EDIL3: variants seen among roughly 807,000 people sequenced by gnomAD.
The protein encoded by EDIL3 is EGF like and discoidin domains 3.
EDIL3 carries 37 observed loss-of-function variants against 67.4 expected under a neutral mutation model. That is an observed-to-expected ratio of 0.55 (90% confidence interval 0.42 to 0.72). EDIL3 has a LOEUF of 0.72. Ranked by LOEUF, EDIL3 falls within the 30% of genes least tolerant of loss-of-function variation. The pLI, the probability that EDIL3 is intolerant of heterozygous loss-of-function variation, is 0.00. For missense variants in EDIL3, 527 were observed against 586.3 expected (o/e 0.90, Z 1.04); for synonymous variants, 195 against 196.3 (o/e 0.99, Z 0.05).
chr5:84,240,428 T>C (rs1744773002), intron 2 of EDIL3, among the ~76,000 whole-genome samples: 1 of 152,142 alleles, frequency 6.6e-6, no homozygotes, highest in East Asian at 1.9e-4. Flanking sequence ...AGGCTCTATA[T>C]CCAGGGTCTC....
intron 3 of EDIL3, among the ~76,000 whole-genome samples, chr5:84,187,474 A>T (rs1188611960): frequency 6.6e-6 from 1 of 152,220 alleles, no homozygotes. Context: ...GTCAATTTTT[A>T]AAAAATATGC....
At chr5:84,336,967 C>A (rs1747002515) in intron 1 of EDIL3, among the ~76,000 whole-genome samples, 1 of 151,990 alleles carries the variant, frequency 6.6e-6, no homozygotes, top group Non-Finnish European at 1.5e-5. Context: ...TATTCTAATT[C>A]TTGCCTAGTC....
chr5:84,201,285 T>A (rs1743825779), intron 3 of EDIL3, among the ~76,000 whole-genome samples: 1 of 152,080 alleles, frequency 6.6e-6, no homozygotes, highest in African/African-American at 2.4e-5. Flanking sequence ...GATGCTAGGA[T>A]GAGAATCCTT....
At chr5:84,353,391 A>G (rs2112192055) in intron 1 of EDIL3, among the ~76,000 whole-genome samples, 1 of 152,300 alleles carries the variant, frequency 6.6e-6, no homozygotes, top group Non-Finnish European at 1.5e-5. Flanking sequence ...TTAAACTCAC[A>G]ACATTGTGAC....
chr5:84,045,259 T>C (rs1746201055), intron 9 of EDIL3, among the ~76,000 whole-genome samples: 1 of 152,054 alleles, frequency 6.6e-6, no homozygotes, highest in Non-Finnish European at 1.5e-5. Context: ...CAAGATGAGA[T>C]TTGGGTGAGG....
At chr5:84,076,025 T>A (rs1463113051) in intron 6 of EDIL3, among the ~76,000 whole-genome samples, 1 of 150,272 alleles carries the variant, frequency 6.7e-6, no homozygotes, top group Non-Finnish European at 1.5e-5. Context: ...TTAATTCACC[T>A]AAAAATGACA....
At chr5:84,069,568 C>A (rs1746699084) in intron 6 of EDIL3, among the ~76,000 whole-genome samples, 1 of 151,698 alleles carries the variant, frequency 6.6e-6, no homozygotes, top group African/African-American at 2.4e-5. Context: ...TTTTTTTTTA[C>A]ATGAAAAAGA....
chr5:84,222,997 G>A (rs769136110), intron 3 of EDIL3, among the ~76,000 whole-genome samples: 3 of 151,710 alleles, frequency 2.0e-5, no homozygotes, highest in Non-Finnish European at 4.4e-5. Context: ...GGCCCCACTT[G>A]TTTATTTTTG....
At chr5:84,045,253 A>G (rs1412493333) in intron 9 of EDIL3, among the ~76,000 whole-genome samples, 1 of 152,182 alleles carries the variant, frequency 6.6e-6, no homozygotes, top group African/African-American at 2.4e-5. Context: ...ACAATTCAAG[A>G]TGAGATTTGG....
intron 3 of EDIL3, among the ~76,000 whole-genome samples, chr5:84,215,562 G>T (rs1561224051): frequency 6.6e-6 from 1 of 152,160 alleles, no homozygotes; most frequent in Non-Finnish European, 1.5e-5. Context: ...AAGATGGGCA[G>T]ATATTTTTAA....
intron 9 of EDIL3, among the ~76,000 whole-genome samples, chr5:83,989,672 C>T (rs2112157691): frequency 6.6e-6 from 1 of 152,252 alleles, no homozygotes; most frequent in South Asian, 2.1e-4. Context: ...GAGGTGGCTC[C>T]CATGATCTCC....
intron 3 of EDIL3, among the ~76,000 whole-genome samples, chr5:84,217,879 T>A (rs1283144639): frequency 6.6e-6 from 1 of 152,160 alleles, no homozygotes. Context: ...ACCGTATTTT[T>A]ATTACTTTTT....
chr5:84,154,352 G>T (rs906488324), intron 4 of EDIL3, among the ~76,000 whole-genome samples: 1 of 152,034 alleles, frequency 6.6e-6, no homozygotes, highest in African/African-American at 2.4e-5. Context: ...ATAATTGGTT[G>T]TAAAAAGTGG....
At chr5:84,052,589 G>A (rs1490611966) in intron 9 of EDIL3, among the ~76,000 whole-genome samples, 1 of 152,058 alleles carries the variant, frequency 6.6e-6, no homozygotes, top group Non-Finnish European at 1.5e-5. Context: ...ACACACATAG[G>A]CTCAAAATAA....
intron 5 of EDIL3, among the ~76,000 whole-genome samples, chr5:84,108,425 T>C (rs1456330087): frequency 6.6e-6 from 1 of 152,124 alleles, no homozygotes; most frequent in African/African-American, 2.4e-5. Flanking sequence ...ATAAGATCTT[T>C]TTTTAACATG....
At chr5:84,203,976 T>C (rs1743905045) in intron 3 of EDIL3, among the ~76,000 whole-genome samples, 1 of 152,228 alleles carries the variant, frequency 6.6e-6, no homozygotes. Context: ...ATTCTATTAT[T>C]AGAAAACAGC....
chr5:83,958,511 T>C (rs1308816428), intron 10 of EDIL3, among the ~76,000 whole-genome samples: 3 of 151,540 alleles, frequency 2.0e-5, no homozygotes, highest in Non-Finnish European at 3.0e-5. Context: ...TTTCAACTTA[T>C]GCTTTTACAA....
chr5:84,247,086 C>T (rs528072403), intron 2 of EDIL3, among the ~76,000 whole-genome samples: 2 of 152,148 alleles, frequency 1.3e-5, no homozygotes, highest in South Asian at 4.1e-4. Context: ...AATTTCTTAG[C>T]AATCATCTAT....
At chr5:84,051,746 A>G (rs199591109) in intron 9 of EDIL3, among the ~76,000 whole-genome samples, 1 of 152,218 alleles carries the variant, frequency 6.6e-6, no homozygotes, top group Non-Finnish European at 1.5e-5. Context: ...AAGCGAGAAG[A>G]GAAGTTTAGA....
Sources: allele counts gnomAD v4.1 joint callset (sites outside exome capture counted in the v4.1 genomes callset), GRCh38; gene constraint gnomAD v4.1.1; transcripts MANE v1.5; gene names NCBI Gene and HGNC (gene_info 2026-07-23, HGNC 2026-07-21).